CCDC77: variants seen among roughly 807,000 people sequenced by gnomAD.
CCDC77 encodes the protein coiled-coil domain containing 77, also known as coiled-coil domain-containing protein 77.
A neutral mutation model predicts 66.8 loss-of-function variants in CCDC77; 56 were observed. The observed-to-expected ratio is 0.84, with a 90% confidence interval of 0.68 to 1.05. The LOEUF (loss-of-function observed/expected upper bound fraction) is 1.05, where lower values mean the gene tolerates loss of function less well. Ranked by LOEUF, CCDC77 falls within the 50% of genes least tolerant of loss-of-function variation. The pLI, the probability that CCDC77 is intolerant of heterozygous loss-of-function variation, is 0.00. For missense variants in CCDC77, 570 were observed against 576.8 expected, an observed-to-expected ratio of 0.99 and a Z score of 0.12; for synonymous variants, 196 against 195.2, an observed-to-expected ratio of 1.00 and a Z score of -0.03.
intron 7 of CCDC77, among the ~76,000 whole-genome samples, chr12:431,212 CTTTT>C (rs61068771): frequency 8.6e-6 from 1 of 115,776 alleles, no homozygotes; most frequent in Non-Finnish European, 1.9e-5. Context: ...TTGCTCAGTT[CTTTT>C]TTTTTTTTTT....
chr12:403,363 A>G (rs1054675912), intron 1 of CCDC77, among the ~76,000 whole-genome samples: 1 of 152,248 alleles, frequency 6.6e-6, no homozygotes, highest in Non-Finnish European at 1.5e-5. Flanking sequence ...ACACCAACCT[A>G]TGACATAGAA....
intron 4 of CCDC77, among the ~76,000 whole-genome samples, chr12:416,413 A>G (rs1283551017): frequency 9.0e-5 from 4 of 44,450 alleles, no homozygotes; most frequent in Admixed American, 6.9e-4. Flanking sequence ...ATATATATAT[A>G]TATTTCTTTT....
chr12:424,546 C>T (rs540171034), intron 5 of CCDC77, among the ~76,000 whole-genome samples: 1 of 151,958 alleles, frequency 6.6e-6, no homozygotes, highest in Non-Finnish European at 1.5e-5. Flanking sequence ...TTAGGCTGGT[C>T]TTGAACTTCT....
chr12:389,384 G>T, exon 1 of CCDC77: 2 of 569,646 alleles, frequency 3.5e-6, no homozygotes. Context: ...TGTGTGTCTG[G>T]CCTTTCCTTC....
At chr12:416,686 A>G (rs1244465405) in intron 4 of CCDC77, among the ~76,000 whole-genome samples, 2 of 151,738 alleles carry the variant, frequency 1.3e-5, no homozygotes, top group South Asian at 2.1e-4. Context: ...GTATATTCAC[A>G]TTGTTGTGTG....
At chr12:405,409 A>G (rs1267789876) in intron 1 of CCDC77, 102 bp from the exon 2 acceptor site, 1 of 152,194 alleles carries the variant, frequency 6.6e-6, no homozygotes, top group Non-Finnish European at 1.5e-5. Context: ...TACACTTTGA[A>G]TGAGTTTAAT....
At chr12:436,228 C>T (rs1945748832) in intron 9 of CCDC77, among the ~76,000 whole-genome samples, 1 of 151,376 alleles carries the variant, frequency 6.6e-6, no homozygotes, top group Non-Finnish European at 1.5e-5. Context: ...TGCCATTCTC[C>T]TGCCTCAGCC....
At chr12:409,552 C>G in intron 3 of CCDC77, 131 bp downstream of exon 3, 2 of 827,964 alleles carry the variant, frequency 2.4e-6, no homozygotes, top group Non-Finnish European at 2.0e-6. Context: ...GAGTTTCACT[C>G]TGTGCCCAGG....
chr12:395,375 C>T (rs928964430), intron 1 of CCDC77, among the ~76,000 whole-genome samples: 15 of 151,990 alleles, frequency 9.9e-5, no homozygotes, highest in Non-Finnish European at 2.1e-4. Flanking sequence ...AGGCATGAGC[C>T]ACTGCACCCA....
At chr12:410,746 A>G (rs1257165551) in intron 3 of CCDC77, among the ~76,000 whole-genome samples, 17 of 145,170 alleles carry the variant, frequency 1.2e-4, no homozygotes, top group South Asian at 4.4e-4. Context: ...AGGTTTCACT[A>G]TGTTGGCCAG....
chr12:440,805 C>G, intron 11 of CCDC77, 39 bp from the exon 12 acceptor site: 2 of 1,612,990 alleles, frequency 1.2e-6, no homozygotes, highest in Non-Finnish European at 1.7e-6. Context: ...AAGACGCTTC[C>G]CTCACCTTCG....
intron 2 of CCDC77, among the ~76,000 whole-genome samples, chr12:408,658 C>T (rs1176883667): frequency 6.6e-6 from 1 of 152,130 alleles, no homozygotes; most frequent in Non-Finnish European, 1.5e-5. Flanking sequence ...CGGGCCACTG[C>T]ACCTCGCTCT....
intron 1 of CCDC77, chr12:389,570 G>GGAA (rs1565557522): frequency 2.9e-5 from 7 of 238,146 alleles, no homozygotes; most frequent in East Asian, 2.0e-4. Flanking sequence ...GGGGCGAGGC[G>GGAA]CAACGAGGCG....
chr12:424,777 C>G (rs1945496741), intron 5 of CCDC77, among the ~76,000 whole-genome samples: 1 of 152,038 alleles, frequency 6.6e-6, no homozygotes, highest in Non-Finnish European at 1.5e-5. Context: ...ATTATTTTAG[C>G]TCTTACGTCT....
rs185539566 is a variant in CCDC77, at chr12:440,823, C to T, written c.1168-21C>T. 4.2e-5 allele frequency: 67 copies of T among 1,613,154 alleles called. No individual in the cohort carries two copies. In the East Asian group the frequency reaches 5.8e-4, roughly 14 times the overall value. ...ACGCTTCCCTCACCTTCGTAAATGC[C>T]TTCCCATTCCCCATATTTAGGATCG... On this transcript the variant is annotated intron_variant, in intron 11 of 12. Transcript: ENST00000239830.
chr12:418,758 G>A (rs117697177), intron 5 of CCDC77, 122 bp downstream of exon 5: 22,909 of 1,108,424 alleles, frequency 0.021, 1,410 homozygotes, highest in East Asian at 0.2. Context: ...GGAGTACAGT[G>A]GCGCTCTCTT....
At chr12:435,036 A>G (rs934727410) in intron 9 of CCDC77, among the ~76,000 whole-genome samples, 6 of 143,764 alleles carry the variant, frequency 4.2e-5, no homozygotes, top group East Asian at 2.1e-4. Context: ...TCTCAAGCCT[A>G]CTTCTTTCTG....
rs542037853 is a variant in CCDC77 at position 414,663 on chromosome 12, G to A, written c.270+2685G>A. Reference sequence around the variant, plus strand: ...TACTGCCACCATTTCGCCTTCCTCCGTTTCTCATGCCTTAACTTTTTCTTT... The same window carrying A: ...TACTGCCACCATTTCGCCTTCCTCCATTTCTCATGCCTTAACTTTTTCTTT... On this transcript the variant is annotated intron_variant, in intron 4 of 12. Transcript: ENST00000239830. Among the ~76,000 whole-genome samples the A allele has an allele frequency of 5.3e-5, 8 of 152,012 alleles. No homozygotes were observed. In the South Asian group the frequency reaches 1.7e-3, roughly 32 times the overall value.
rs1945867272 is a variant in CCDC77, at chr12:442,035, A to G, written c.*115A>G. ...TGAGTTGACTAGAGTGGTGGTATTCATTATTGTAAAGACAGCTTGAAGAAT... is the reference window on the plus strand; with the variant it reads ...TGAGTTGACTAGAGTGGTGGTATTCGTTATTGTAAAGACAGCTTGAAGAAT... On this transcript the variant is annotated 3_prime_UTR_variant, in exon 13 of 13. Coordinates refer to ENST00000239830, the MANE Select transcript of CCDC77 (RefSeq NM_032358.4). 1 of 1,093,112 alleles carries G rather than the reference A, an allele frequency of 9.1e-7. No individual in the cohort carries two copies. Among genetic ancestry groups the G allele is most frequent in the Non-Finnish European group, 1.3e-6 (1 of 745,724 alleles). 67.7% of individuals were successfully genotyped at this position (1,093,112 alleles called of 1,614,324 possible).
Sources: allele counts gnomAD v4.1 joint callset (sites outside exome capture counted in the v4.1 genomes callset), GRCh38; gene constraint gnomAD v4.1.1; transcripts MANE v1.5; gene names NCBI Gene and HGNC (gene_info 2026-07-23, HGNC 2026-07-21).